CTNNA3: variants seen among roughly 807,000 people sequenced by gnomAD.
CTNNA3 encodes the protein catenin alpha 3, also known as catenin alpha-3.
CTNNA3 carries 76 observed loss-of-function variants against 95.7 expected under a neutral mutation model. That is an observed-to-expected ratio of 0.79 (90% CI 0.66 to 0.96). CTNNA3 has a LOEUF of 0.96. Among genes scored for constraint, CTNNA3 ranks in the 40% least tolerant of loss-of-function variants. The pLI is 0.00. For synonymous variants in CTNNA3, 431 were observed against 374.4 expected, an observed-to-expected ratio of 1.15 and a Z score of -1.74; for missense variants, 1,191 against 1,089.8, an observed-to-expected ratio of 1.09 and a Z score of -1.31.
At chr10:66,888,163 T>C (rs1189286836) in intron 7 of CTNNA3, among the ~76,000 whole-genome samples, 1 of 152,128 alleles carries the variant, frequency 6.6e-6, no homozygotes, top group African/African-American at 2.4e-5. Context: ...AGATGGCTTA[T>C]TGCTGGTTCT....
At chr10:66,355,445 C>T (rs2893986) in intron 12 of CTNNA3, among the ~76,000 whole-genome samples, 79,957 of 151,870 alleles carry the variant, frequency 0.53, 22,883 homozygotes, top group Non-Finnish European at 0.64. Flanking sequence ...AAACCCTCCA[C>T]GAATGACGCT....
chr10:65,968,748 C>T (rs934946087), intron 16 of CTNNA3, among the ~76,000 whole-genome samples: 1 of 152,210 alleles, frequency 6.6e-6, no homozygotes, highest in African/African-American at 2.4e-5. Context: ...CTGGAGTACC[C>T]AGTCCCCTGG....
intron 7 of CTNNA3, among the ~76,000 whole-genome samples, chr10:66,864,402 A>G (rs1433384615): frequency 2.0e-5 from 3 of 152,114 alleles, no homozygotes; most frequent in African/African-American, 7.2e-5. Flanking sequence ...ATGTAATGAC[A>G]TAGTAAGAAG....
chr10:66,523,034 C>T (rs74141570), intron 10 of CTNNA3, among the ~76,000 whole-genome samples: 4,009 of 152,032 alleles, frequency 0.026, 186 homozygotes, highest in African/African-American at 0.091. Flanking sequence ...TTCTTTTCTA[C>T]AAAAGAGGAA....
chr10:67,417,836 C>A (rs925304609), intron 5 of CTNNA3, among the ~76,000 whole-genome samples: 2 of 152,050 alleles, frequency 1.3e-5, no homozygotes, highest in Non-Finnish European at 2.9e-5. Context: ...TGAATAAAAT[C>A]AAATTTTATT....
intron 16 of CTNNA3, among the ~76,000 whole-genome samples, chr10:65,972,733 A>G (rs747383651): frequency 6.6e-6 from 1 of 152,152 alleles, no homozygotes; most frequent in African/African-American, 2.4e-5. Context: ...AATTTCATCA[A>G]CTGGAAGAAT....
intron 12 of CTNNA3, among the ~76,000 whole-genome samples, chr10:66,335,306 C>A (rs1453570615): frequency 6.6e-6 from 1 of 152,096 alleles, no homozygotes; most frequent in African/African-American, 2.4e-5. Context: ...GAGAGGCACT[C>A]TGATTTTTAG....
At chr10:66,747,428 G>A (rs1437163259) in intron 9 of CTNNA3, among the ~76,000 whole-genome samples, 3 of 152,128 alleles carry the variant, frequency 2.0e-5, no homozygotes, top group Non-Finnish European at 2.9e-5. Context: ...GTCTAGCTCC[G>A]GTAAAACTGC....
intron 7 of CTNNA3, among the ~76,000 whole-genome samples, chr10:67,031,208 T>C (rs1252419461): frequency 1.3e-5 from 2 of 152,186 alleles, no homozygotes; most frequent in Non-Finnish European, 2.9e-5. Flanking sequence ...TTGATATATA[T>C]GTCTATATAT....
intron 5 of CTNNA3, among the ~76,000 whole-genome samples, chr10:67,378,080 A>G (rs942156319): frequency 1.3e-5 from 2 of 151,364 alleles, no homozygotes; most frequent in Admixed American, 6.6e-5. Flanking sequence ...ACAAATCTCT[A>G]TCACCTTCTT....
chr10:66,513,783 G>C (rs1389692640), intron 11 of CTNNA3, among the ~76,000 whole-genome samples: 1 of 152,174 alleles, frequency 6.6e-6, no homozygotes, highest in Non-Finnish European at 1.5e-5. Context: ...TGGCTCTCAG[G>C]CTCTTGGAAG....
rs60547696 is a variant in CTNNA3, at chr10:66,487,181, A to AT, written c.1531+33435dup. Among the ~76,000 whole-genome samples the AT allele has an allele frequency of 3.8e-3, 176 of 45,986 alleles. 32 individuals carry two copies. Among genetic ancestry groups the AT allele is most frequent in the East Asian group, 5.5e-3 (7 of 1,282 alleles). 30.2% of individuals were successfully genotyped at this position (45,986 alleles called of 152,430 possible). Reference sequence around the variant, plus strand: ...TACTTGAAATTTAATAAAAGGGCAGATTTTTTTTTTTTTTTTTTTTTTTTT... The same window carrying AT: ...TACTTGAAATTTAATAAAAGGGCAGATTTTTTTTTTTTTTTTTTTTTTTTTT... On this transcript the variant is annotated intron_variant, in intron 11 of 17. Coordinates refer to ENST00000433211, the MANE Select transcript of CTNNA3 (RefSeq NM_013266.4).
chr10:66,053,972 A>G (rs1266608357), intron 15 of CTNNA3, among the ~76,000 whole-genome samples: 1 of 152,116 alleles, frequency 6.6e-6, no homozygotes, highest in African/African-American at 2.4e-5. Context: ...TAATGAGAAC[A>G]TGTGATATTT....
intron 11 of CTNNA3, among the ~76,000 whole-genome samples, chr10:66,420,239 G>A (rs754141701): frequency 5.3e-5 from 8 of 152,166 alleles, no homozygotes; most frequent in Non-Finnish European, 8.8e-5. Flanking sequence ...AGATAATTCC[G>A]AAAGGAAGAC....
At chr10:67,120,734 T>C (rs1162102750) in intron 7 of CTNNA3, among the ~76,000 whole-genome samples, 2 of 152,028 alleles carry the variant, frequency 1.3e-5, no homozygotes, top group Non-Finnish European at 2.9e-5. Flanking sequence ...ATGAATATTA[T>C]AGGAACATAC....
At chr10:66,536,136 TGAGAGAGA>T (rs71035152) in intron 10 of CTNNA3, among the ~76,000 whole-genome samples, 23 of 143,846 alleles carry the variant, frequency 1.6e-4, no homozygotes, top group Non-Finnish European at 2.4e-4. Context: ...TGAAACGACA[TGAGAGAGA>T]GAGAGAGAGA....
At chr10:67,261,359 G>A (rs1866598668) in intron 5 of CTNNA3, among the ~76,000 whole-genome samples, 1 of 152,062 alleles carries the variant, frequency 6.6e-6, no homozygotes, top group South Asian at 2.1e-4. Context: ...GAGTTAAAAG[G>A]TCTTAAAATT....
intron 13 of CTNNA3, among the ~76,000 whole-genome samples, chr10:66,144,026 A>C (rs1230330163): frequency 6.6e-6 from 1 of 152,238 alleles, no homozygotes; most frequent in Non-Finnish European, 1.5e-5. Flanking sequence ...AAATACACAC[A>C]AAATAATTCT....
intron 5 of CTNNA3, among the ~76,000 whole-genome samples, chr10:67,478,365 A>C (rs1848095928): frequency 6.6e-6 from 1 of 152,196 alleles, no homozygotes; most frequent in Admixed American, 6.5e-5. Flanking sequence ...TATAAAAAAA[A>C]TCTTAAGGGC....
Sources: allele counts gnomAD v4.1 joint callset (sites outside exome capture counted in the v4.1 genomes callset), GRCh38; gene constraint gnomAD v4.1.1; transcripts MANE v1.5; gene names NCBI Gene and HGNC (gene_info 2026-07-23, HGNC 2026-07-21).